Variants in SMYD3 observed in about 807,000 individuals in gnomAD.
The protein encoded by SMYD3 is histone-lysine N-methyltransferase SMYD3.
Under a neutral mutation model 57.7 loss-of-function variants are expected in SMYD3, and 36 were observed. The ratio of observed to expected loss-of-function variants is 0.62; its 90% confidence interval spans 0.48 to 0.82. SMYD3 has a LOEUF of 0.82. Ranked by LOEUF, SMYD3 falls within the 40% of genes least tolerant of loss-of-function variation. The pLI, the probability that SMYD3 is intolerant of heterozygous loss-of-function variation, is 0.00. For synonymous variants in SMYD3, 211 were observed against 195.0 expected, an observed-to-expected ratio of 1.08 and a Z score of -0.68; for missense variants, 515 against 538.8, an observed-to-expected ratio of 0.96 and a Z score of 0.44.
intron 5 of SMYD3, among the ~76,000 whole-genome samples, chr1:246,297,528 T>C (rs533574514): frequency 1.3e-5 from 2 of 152,150 alleles, no homozygotes; most frequent in Admixed American, 6.5e-5. Flanking sequence ...AGGTAAGTGA[T>C]TCAGGCTTAC....
chr1:246,137,691 G>A (rs776945527), intron 5 of SMYD3, among the ~76,000 whole-genome samples: 18 of 152,154 alleles, frequency 1.2e-4, no homozygotes, highest in African/African-American at 3.9e-4. Flanking sequence ...GATCATGATC[G>A]ATTTTTCCCT....
chr1:246,327,981 G>T (rs1431140311), intron 4 of SMYD3, among the ~76,000 whole-genome samples: 1 of 152,132 alleles, frequency 6.6e-6, no homozygotes, highest in Non-Finnish European at 1.5e-5. Flanking sequence ...ATCACTTGAG[G>T]TCAGTAGTTC....
At chr1:245,809,609 T>C (rs2048354448) in intron 10 of SMYD3, among the ~76,000 whole-genome samples, 1 of 152,134 alleles carries the variant, frequency 6.6e-6, no homozygotes, top group Admixed American at 6.5e-5. Context: ...CAGGAAGGCA[T>C]TGTTTAGATT....
At chr1:245,942,043 G>A (rs1178843728) in intron 5 of SMYD3, among the ~76,000 whole-genome samples, 2 of 152,146 alleles carry the variant, frequency 1.3e-5, no homozygotes, top group African/African-American at 2.4e-5. Context: ...TACACAGACC[G>A]ATGACACTAT....
At chr1:246,125,128 T>C (rs1457962752) in intron 5 of SMYD3, among the ~76,000 whole-genome samples, 1 of 150,672 alleles carries the variant, frequency 6.6e-6, no homozygotes, top group Non-Finnish European at 1.5e-5. Flanking sequence ...CCTTATGGAG[T>C]TATGATGTCT....
intron 1 of SMYD3, among the ~76,000 whole-genome samples, chr1:246,361,471 T>C (rs1338539926): frequency 3.9e-5 from 6 of 152,166 alleles, no homozygotes; most frequent in Non-Finnish European, 8.8e-5. Context: ...AAAGAAGTCA[T>C]TATACAAAAA....
chr1:246,404,574 C>G (rs2066828607), intron 1 of SMYD3, among the ~76,000 whole-genome samples: 1 of 152,184 alleles, frequency 6.6e-6, no homozygotes, highest in African/African-American at 2.4e-5. Flanking sequence ...GAGGAGTTTG[C>G]AAGTTAAAGA....
At chr1:246,297,707 A>G (rs2064821252) in intron 5 of SMYD3, among the ~76,000 whole-genome samples, 1 of 152,184 alleles carries the variant, frequency 6.6e-6, no homozygotes, top group Non-Finnish European at 1.5e-5. Context: ...ATTCTGATGT[A>G]TAAATACCAG....
intron 8 of SMYD3, among the ~76,000 whole-genome samples, chr1:245,895,507 G>GAA (rs34144791): frequency 6.6e-6 from 1 of 152,034 alleles, no homozygotes; most frequent in African/African-American, 2.4e-5. Context: ...TAAGGCAGCA[G>GAA]AAAAAATCTT....
chr1:246,199,333 T>C (rs550282671), intron 5 of SMYD3, among the ~76,000 whole-genome samples: 23 of 152,312 alleles, frequency 1.5e-4, no homozygotes, highest in African/African-American at 5.5e-4. Context: ...ACAGGGAACC[T>C]GATATTTCTC....
At chr1:246,411,976 A>G (rs1026775856) in intron 1 of SMYD3, among the ~76,000 whole-genome samples, 3 of 32,562 alleles carry the variant, frequency 9.2e-5, no homozygotes, top group Non-Finnish European at 6.7e-5. Flanking sequence ...AAAGTATAAT[A>G]AAAAAAAAAA....
At chr1:245,828,075 A>G (rs4654124) in intron 10 of SMYD3, among the ~76,000 whole-genome samples, 127,275 of 151,786 alleles carry the variant, frequency 0.84, 54,854 homozygotes, top group Non-Finnish European at 0.95. Context: ...GAAAAGGAAT[A>G]CTGAACAGAA....
At chr1:245,907,563 G>A (rs549902351) in intron 8 of SMYD3, among the ~76,000 whole-genome samples, 4 of 152,180 alleles carry the variant, frequency 2.6e-5, no homozygotes, top group South Asian at 4.1e-4. Flanking sequence ...ATACGCAAAT[G>A]GGAAAAAGAA....
chr1:245,884,833 T>G (rs1199829019), intron 8 of SMYD3, among the ~76,000 whole-genome samples: 1 of 151,600 alleles, frequency 6.6e-6, no homozygotes, highest in Non-Finnish European at 1.5e-5. Flanking sequence ...ATCAGCTCTC[T>G]GTAAAATGGC....
chr1:246,055,941 G>A (rs2060143942), intron 5 of SMYD3, among the ~76,000 whole-genome samples: 2 of 152,084 alleles, frequency 1.3e-5, no homozygotes, highest in African/African-American at 2.4e-5. Context: ...AGTGGTAACG[G>A]GTGCAGAACA....
At chr1:245,770,845 A>G (rs1448765110) in intron 10 of SMYD3, among the ~76,000 whole-genome samples, 1 of 152,238 alleles carries the variant, frequency 6.6e-6, no homozygotes, top group Non-Finnish European at 1.5e-5. Flanking sequence ...ATAGAAAACT[A>G]AAATTAAGAA....
At chr1:246,360,808 T>C (rs967838554) in intron 1 of SMYD3, among the ~76,000 whole-genome samples, 1 of 152,166 alleles carries the variant, frequency 6.6e-6, no homozygotes, top group African/African-American at 2.4e-5. Flanking sequence ...TCAAGATGAA[T>C]CAAAGACTTA....
intron 5 of SMYD3, among the ~76,000 whole-genome samples, chr1:246,257,713 T>G (rs956092589): frequency 6.6e-6 from 1 of 152,212 alleles, no homozygotes; most frequent in Non-Finnish European, 1.5e-5. Context: ...CTTTATAGGG[T>G]CTGTGGGCTA....
chr1:245,978,732 T>C (rs996184854), intron 5 of SMYD3, among the ~76,000 whole-genome samples: 19 of 152,248 alleles, frequency 1.2e-4, no homozygotes, highest in East Asian at 1.9e-4. Context: ...TTGTCTCTCG[T>C]CAGCAATGCT....
Sources: allele counts gnomAD v4.1 joint callset (sites outside exome capture counted in the v4.1 genomes callset), GRCh38; gene constraint gnomAD v4.1.1; transcripts MANE v1.5; gene names NCBI Gene and HGNC (gene_info 2026-07-23, HGNC 2026-07-21).